RCAN2: variants seen among roughly 807,000 people sequenced by gnomAD.
RCAN2 encodes the protein calcipressin-2.
Under a neutral mutation model 23.6 loss-of-function variants are expected in RCAN2, and 9 were observed. The observed-to-expected ratio is 0.38, with a 90% CI of 0.23 to 0.67. The LOEUF is 0.67. RCAN2 is among the 30% of genes least tolerant of loss of function. The probability of loss-of-function intolerance (pLI) is 0.51; values close to 1 mark genes in which losing one functional copy is unlikely to be tolerated. For synonymous variants in RCAN2, 109 were observed against 115.7 expected (o/e 0.94, Z 0.37); for missense variants, 273 against 302.3 (o/e 0.90, Z 0.72).
chr6:46,269,350 C>T (rs755575336), intron 2 of RCAN2, among the ~76,000 whole-genome samples: 3 of 152,212 alleles, frequency 2.0e-5, no homozygotes, highest in African/African-American at 4.8e-5. Context: ...ATTTTGCCAG[C>T]ACAGGGACGC....
rs1167350187 is a variant in RCAN2, at chr6:46,221,178, T to C, written c.*1963A>G. The stretch of plus-strand genomic sequence containing the variant: ...TTGTTAAAAATGTCAGATGTGTCTT[T>C]TAAAAAACATTTAAAAATCATTTTC... On this transcript the variant is annotated 3_prime_UTR_variant, in exon 5 of 5. Transcript: ENST00000371374. 6.6e-6 allele frequency: 1 copy of C among 152,352 alleles called. No individual in the cohort carries two copies. Among genetic ancestry groups the C allele is most frequent in the South Asian group, 2.1e-4 (1 of 4,832 alleles). The allele number at this position is 152,352 out of a possible 1,614,324, so 9.4% of individuals were successfully genotyped here.
At position 46,223,100 on chromosome 6, in the gene RCAN2, G is replaced by A. The variant is rs773849118; in HGVS notation, c.*41C>T. On this transcript the variant is annotated 3_prime_UTR_variant, in exon 5 of 5. Transcript: ENST00000371374. ...GACAAACAACAGGGGGAAAAAGCAT[G>A]ATAAAGAGGAGACGGCTATTATCGA... The A allele has an allele frequency of 1.9e-6, 3 of 1,599,762 alleles. No individual in the cohort carries two copies. Among genetic ancestry groups the A allele is most frequent in the Non-Finnish European group, 2.6e-6 (3 of 1,173,982 alleles).
intron 1 of RCAN2, among the ~76,000 whole-genome samples, chr6:46,459,309 T>C (rs917304987): frequency 1.3e-5 from 2 of 152,222 alleles, no homozygotes; most frequent in Admixed American, 6.5e-5. Context: ...ATATTTTAAG[T>C]GAATCAAAAC....
chr6:46,234,436 T>C (rs1766019006), intron 4 of RCAN2, among the ~76,000 whole-genome samples: 1 of 152,228 alleles, frequency 6.6e-6, no homozygotes, highest in African/African-American at 2.4e-5. Flanking sequence ...ACCAGGCACA[T>C]GGACCAACTG....
In RCAN2 at chr6:46,456,952, C is replaced by T. The variant is rs186496446; in HGVS notation, c.25G>A (p.Gly9Arg). The change falls in exon 2 of 5, where the codon GGA becomes AGA. Residue 9 changes from glycine to arginine, a missense_variant. By Grantham distance (125) the Gly-to-Arg change is moderately radical. Coordinates refer to ENST00000371374, the MANE Select transcript of RCAN2 (RefSeq NM_001251974.2). MRGESYFI[G>R]MRSPGQQGHV... ...CCCTGCTGCCCTGGGCTCCTCATTC[C>T]GATGAAGTATGATTCTCCCCTCATT... is the stretch of plus-strand genomic sequence containing the variant. 18 of 1,550,672 alleles carry T rather than the reference C, an allele frequency of 1.2e-5. No homozygotes were observed. The highest frequency in any genetic ancestry group is 9.8e-5 in the East Asian group (4 of 40,918).
At chr6:46,432,862 T>C (rs1218325456) in intron 2 of RCAN2, among the ~76,000 whole-genome samples, 1 of 152,194 alleles carries the variant, frequency 6.6e-6, no homozygotes, top group Non-Finnish European at 1.5e-5. Flanking sequence ...AAGTGGGGTA[T>C]ATGCCACTTT....
At chr6:46,336,590 A>AT (rs374091300) in intron 2 of RCAN2, among the ~76,000 whole-genome samples, 2,948 of 152,352 alleles carry the variant, frequency 0.019, 36 homozygotes, top group Non-Finnish European at 0.03. Context: ...TGAGCAGGGC[A>AT]TGATGGGTTA....
chr6:46,397,925 T>C lies in RCAN2; in HGVS notation c.225+58827A>G, dbSNP rs572221177. On this transcript the variant is annotated intron_variant, in intron 2 of 4. Coordinates refer to ENST00000371374, the MANE Select transcript of RCAN2 (RefSeq NM_001251974.2). ...TAATACTAGTAAAATATTCTACAGG[T>C]AAATAGACTTATTTAAGTGCGCTAA... Among the ~76,000 whole-genome samples, 15 of 152,322 alleles carry C rather than the reference T, an allele frequency of 9.8e-5. No homozygotes were observed. In the South Asian group the frequency reaches 3.1e-3, roughly 32 times the overall value.
chr6:46,346,431 T>C (rs1764483608), intron 2 of RCAN2, among the ~76,000 whole-genome samples: 1 of 152,186 alleles, frequency 6.6e-6, no homozygotes, highest in South Asian at 2.1e-4. Flanking sequence ...GGTAATATTA[T>C]GCTTGGAAAT....
At chr6:46,311,257 T>C (rs1227036540) in intron 2 of RCAN2, among the ~76,000 whole-genome samples, 1 of 152,162 alleles carries the variant, frequency 6.6e-6, no homozygotes, top group Non-Finnish European at 1.5e-5. Context: ...CCTCCTTCTG[T>C]CTCTCTACAG....
intron 2 of RCAN2, among the ~76,000 whole-genome samples, chr6:46,306,368 G>A (rs965808040): frequency 3.8e-4 from 58 of 152,114 alleles, no homozygotes; most frequent in Non-Finnish European, 1.6e-4. Context: ...TGGCTGTCCT[G>A]TAACACCTCA....
chr6:46,262,704 T>C (rs953457403), intron 2 of RCAN2, among the ~76,000 whole-genome samples: 1 of 152,190 alleles, frequency 6.6e-6, no homozygotes, highest in African/African-American at 2.4e-5. Flanking sequence ...CTGCTTGGCA[T>C]TAAAGGCCCT....
rs370977679 is a variant in RCAN2 at position 46,399,778 on chromosome 6, C to T, written c.225+56974G>A. ...TTTCACCTTGTCTCAGGACACTACA[C>T]TTGTCATTGGATTTAGGGATCACCT... On this transcript the variant is annotated intron_variant, in intron 2 of 4. Coordinates refer to ENST00000371374, the MANE Select transcript of RCAN2 (RefSeq NM_001251974.2). Among the ~76,000 whole-genome samples the T allele has an allele frequency of 3.9e-5, 6 of 152,064 alleles. No homozygotes were observed. The South Asian group carries it at 1.0e-3, about 26-fold the overall frequency.
At chr6:46,268,906 G>C (rs1020503601) in intron 2 of RCAN2, among the ~76,000 whole-genome samples, 2 of 152,170 alleles carry the variant, frequency 1.3e-5, no homozygotes, top group African/African-American at 4.8e-5. Context: ...GCTTATTTAT[G>C]TTTAATAAGG....
At chr6:46,252,664 G>A (rs1040025653) in intron 2 of RCAN2, among the ~76,000 whole-genome samples, 1 of 152,064 alleles carries the variant, frequency 6.6e-6, no homozygotes, top group East Asian at 1.9e-4. Flanking sequence ...AAAAATAACT[G>A]TTTTCCAAAA....
At chr6:46,380,430 A>G (rs536035878) in intron 2 of RCAN2, among the ~76,000 whole-genome samples, 5 of 152,322 alleles carry the variant, frequency 3.3e-5, no homozygotes, top group Non-Finnish European at 7.3e-5. Context: ...ATGTTTAAAG[A>G]TGCTAGAGCA....
At chr6:46,315,638 C>A (rs917195040) in intron 2 of RCAN2, among the ~76,000 whole-genome samples, 16 of 152,076 alleles carry the variant, frequency 1.1e-4, no homozygotes, top group African/African-American at 3.4e-4. Flanking sequence ...AGGGCCACAG[C>A]AAGGATTGGG....
intron 2 of RCAN2, among the ~76,000 whole-genome samples, chr6:46,416,445 T>A (rs560737540): frequency 6.6e-6 from 1 of 151,146 alleles, no homozygotes; most frequent in African/African-American, 2.4e-5. Flanking sequence ...TAAACATTGT[T>A]ATTGTAGAAT....
At chr6:46,467,048 C>T (rs921491138) in intron 1 of RCAN2, among the ~76,000 whole-genome samples, 1 of 152,146 alleles carries the variant, frequency 6.6e-6, no homozygotes, top group South Asian at 2.1e-4. Context: ...TGAGATTCCC[C>T]AGTTACTGAT....
Sources: allele counts gnomAD v4.1 joint callset (sites outside exome capture counted in the v4.1 genomes callset), GRCh38; gene constraint gnomAD v4.1.1; transcripts MANE v1.5; gene names NCBI Gene and HGNC (gene_info 2026-07-23, HGNC 2026-07-21).